The following ANKRD13A variants were observed in gnomAD, a reference collection of about 807,000 sequenced individuals.
ANKRD13A encodes the protein ankyrin repeat domain-containing protein 13A.
A neutral mutation model predicts 81.3 loss-of-function variants in ANKRD13A; 48 were observed. The observed-to-expected ratio is 0.59, with a 90% CI of 0.47 to 0.75. The LOEUF (loss-of-function observed/expected upper bound fraction) is 0.75. Among genes scored for constraint, ANKRD13A ranks in the 30% least tolerant of loss-of-function variants. ANKRD13A has a pLI of 0.00. For synonymous variants in ANKRD13A, 230 were observed against 270.1 expected (o/e 0.85, Z 1.45); for missense variants, 612 against 734.0 (o/e 0.83, Z 1.92).
Position 110,019,221 on chromosome 12 carries a change from G to T in ANKRD13A, c.627G>T (p.Glu209Asp). The change falls in exon 6 of 15, where the codon GAG becomes GAT. Residue 209 changes from glutamate to aspartate, a missense_variant. Transcript: ENST00000261739. The part of the protein sequence containing the change: ...TERFDLSQEM[E>D]RLTLDLMKPK... ...GCTTCGACCTTTCCCAAGAAATGGA[G>T]CGCCTCACTCTGGACTTGATGAAGC... 1 of 1,614,110 alleles carries T rather than the reference G, an allele frequency of 6.2e-7. No individual in the cohort carries two copies. The highest frequency in any genetic ancestry group is 1.1e-5 in the South Asian group (1 of 91,074).
At chr12:110,024,546 C>T (rs1891228246) in intron 7 of ANKRD13A, among the ~76,000 whole-genome samples, 1 of 152,180 alleles carries the variant, frequency 6.6e-6, no homozygotes, top group South Asian at 2.1e-4. Flanking sequence ...GACATCAGTG[C>T]ATTTAAAACA....
chr12:110,020,535 C>T (rs1438336862), intron 6 of ANKRD13A, among the ~76,000 whole-genome samples: 1 of 152,244 alleles, frequency 6.6e-6, no homozygotes, highest in East Asian at 1.9e-4. Context: ...GGTCAGTCCT[C>T]TTCTGCCAGC....
In ANKRD13A at chr12:110,038,395, A is replaced by G. The variant is rs541432116; in HGVS notation, c.*841A>G. On this transcript the variant is annotated 3_prime_UTR_variant, in exon 15 of 15. Transcript: ENST00000261739. ...CTGAGGCTTGTTCTTGAAGTGGGCA[A>G]GCTGGCCAAAATATTGGAACACACA... 6.5e-6 allele frequency: 1 copy of G among 152,776 alleles called. No individual in the cohort carries two copies. The highest frequency in any genetic ancestry group is 2.4e-5 in the African/African-American group (1 of 41,570). The allele number at this position is 152,776 out of a possible 1,614,324, so 9.5% of individuals were successfully genotyped here.
At chr12:110,005,544 T>G (rs984304619) in intron 1 of ANKRD13A, among the ~76,000 whole-genome samples, 1 of 152,232 alleles carries the variant, frequency 6.6e-6, no homozygotes, top group Non-Finnish European at 1.5e-5. Flanking sequence ...GTCTCTAGAT[T>G]TGCCTATTCT....
rs1039137147 is a variant in ANKRD13A, at chr12:110,027,560, T to G, written c.884-145T>G. On this transcript the variant is annotated intron_variant, in intron 8 of 14. Transcript: ENST00000261739. ...ACCCTATAAAGGATAAATTAGTTTA[T>G]GGTTATTGTGAATGATTTGATCAGC... 7.3e-5 allele frequency: 54 copies of G among 740,942 alleles called. No homozygotes were observed. The Admixed American group carries it at 1.1e-3, about 16-fold the overall frequency. 45.9% of individuals were successfully genotyped at this position (740,942 alleles called of 1,614,324 possible).
At chr12:110,037,214 G>A (rs1892115482) in intron 14 of ANKRD13A, 145 bp from the exon 15 acceptor site, 8 of 824,536 alleles carry the variant, frequency 9.7e-6, no homozygotes, top group South Asian at 6.9e-5. Flanking sequence ...CACCTACACC[G>A]CCAGTTATGT....
intron 1 of ANKRD13A, among the ~76,000 whole-genome samples, chr12:110,001,950 C>A (rs1371917141): frequency 6.6e-6 from 1 of 151,868 alleles, no homozygotes; most frequent in African/African-American, 2.4e-5. Flanking sequence ...TTAAAAATGA[C>A]CAGTTTTGGT....
rs1477320867 is a variant in ANKRD13A at position 110,028,556 on chromosome 12, C to A, written c.990C>A (p.Ile330=). 1.2e-6 allele frequency: 2 copies of A among 1,614,066 alleles called. No individual in the cohort carries two copies. Among genetic ancestry groups the A allele is most frequent in the Non-Finnish European group, 1.7e-6 (2 of 1,180,032 alleles). The change falls in exon 10 of 15, where the codon ATC becomes ATA. Residue 330 remains isoleucine, a synonymous_variant. Coordinates refer to ENST00000261739, the MANE Select transcript of ANKRD13A (RefSeq NM_033121.2). ...CTACTGCAAACAACCCCACAGCCATCACGCCTGATGAGTACTTCAATGAAG... is the reference window on the plus strand; with the variant it reads ...CTACTGCAAACAACCCCACAGCCATAACGCCTGATGAGTACTTCAATGAAG... ...ECATANNPTA[I]TPDEYFNEEF...
intron 1 of ANKRD13A, among the ~76,000 whole-genome samples, chr12:110,005,038 T>C (rs911631598): frequency 2.0e-5 from 3 of 152,242 alleles, no homozygotes; most frequent in Non-Finnish European, 4.4e-5. Context: ...GCGATATAGT[T>C]CACTTATATA....
chr12:110,018,276 C>G lies in ANKRD13A; in HGVS notation c.401-69C>G. The G allele has an allele frequency of 2.0e-6, 3 of 1,507,792 alleles. No individual in the cohort carries two copies. The Admixed American group carries it at 5.9e-5, about 30-fold the overall frequency. The allele number at this position is 1,507,792 out of a possible 1,614,324, so 93.4% of individuals were successfully genotyped here. ...CCCCTCCTTTTATTAAATCAGAATC[C>G]TGATTTCCTGGCCTAGGTATTCTTC... is the stretch of plus-strand genomic sequence containing the variant. On this transcript the variant is annotated intron_variant, in intron 4 of 14. Coordinates refer to ENST00000261739, the MANE Select transcript of ANKRD13A (RefSeq NM_033121.2). This position sits in a 1 kb window ranked among gnomAD's most constrained non-coding sequence, Gnocchi z 4.4.
rs1890946982 is a variant in ANKRD13A at position 110,019,193 on chromosome 12, A to G, written c.599A>G (p.Glu200Gly). ...VNHDDKVVTT[E>G]RFDLSQEMER... ...CATGATGACAAAGTGGTCACCACCG[A>G]ACGCTTCGACCTTTCCCAAGAAATG... The change falls in exon 6 of 15, where the codon GAA becomes GGA. Residue 200 changes from glutamate (E) to glycine (G), a missense_variant. Transcript: ENST00000261739. The G allele has an allele frequency of 1.2e-6, 2 of 1,613,832 alleles. No individual in the cohort carries two copies. Among genetic ancestry groups the G allele is most frequent in the African/African-American group, 2.7e-5 (2 of 75,050 alleles).
intron 6 of ANKRD13A, among the ~76,000 whole-genome samples, chr12:110,020,591 A>G (rs1204612305): frequency 6.6e-6 from 1 of 152,190 alleles, no homozygotes; most frequent in Non-Finnish European, 1.5e-5. Context: ...TCTTTCAGGG[A>G]CAGCAAAATT....
In ANKRD13A at chr12:110,012,123, G is replaced by A. The variant is rs749046410; in HGVS notation, c.215G>A (p.Arg72His). The part of the protein sequence containing the change: ...RHKADVTKEN[R>H]QGWTVLHEAV... ...AAAGCAGATGTGACAAAAGAAAATC[G>A]CCAGGGATGGACAGGTAAGTATACT... is the stretch of plus-strand genomic sequence containing the variant. Residue 72 changes from arginine to histidine, a missense_variant, in exon 2 of 15, where the codon CGC (arginine) becomes CAC (histidine). Transcript: ENST00000261739. 38 of 1,611,090 alleles carry A rather than the reference G, an allele frequency of 2.4e-5. No individual in the cohort carries two copies. The highest frequency in any genetic ancestry group is 2.3e-4 in the South Asian group (21 of 90,942).
intron 8 of ANKRD13A, among the ~76,000 whole-genome samples, chr12:110,026,711 A>G (rs1406256960): frequency 6.6e-6 from 1 of 151,990 alleles, no homozygotes; most frequent in Admixed American, 6.6e-5. Context: ...GTGAAACCCT[A>G]TCTTTACTAA....
rs927377618 is a variant in ANKRD13A, at chr12:110,015,859, A to T, written c.355-529A>T. ...AGCCACTGTGCCCGGCCATCTGTTCACTTTCTTAATGTCTAGACATATTTT... is the reference window on the plus strand; with the variant it reads ...AGCCACTGTGCCCGGCCATCTGTTCTCTTTCTTAATGTCTAGACATATTTT... On this transcript the variant is annotated intron_variant, in intron 3 of 14. Coordinates refer to ENST00000261739, the MANE Select transcript of ANKRD13A (RefSeq NM_033121.2). Among the ~76,000 whole-genome samples, 3 of 151,312 alleles carry T rather than the reference A, an allele frequency of 2.0e-5. No individual in the cohort carries two copies. In the East Asian group the frequency reaches 5.9e-4, roughly 30 times the overall value.
At chr12:110,003,013 T>C (rs1890060475) in intron 1 of ANKRD13A, among the ~76,000 whole-genome samples, 1 of 152,198 alleles carries the variant, frequency 6.6e-6, no homozygotes, top group Admixed American at 6.5e-5. Flanking sequence ...TAATATTCAG[T>C]GGGGCCTTGA....
At chr12:110,016,119 C>A (rs1443909939) in intron 3 of ANKRD13A, among the ~76,000 whole-genome samples, 1 of 151,066 alleles carries the variant, frequency 6.6e-6, no homozygotes, top group Non-Finnish European at 1.5e-5. Flanking sequence ...CAGCTACTTT[C>A]TGTATTTTTT....
At chr12:110,027,623 C>A in intron 8 of ANKRD13A, 82 bp from the exon 9 acceptor site, 1 of 1,352,752 alleles carries the variant, frequency 7.4e-7, no homozygotes, top group Non-Finnish European at 1.1e-6. Context: ...GTAGCTTGGA[C>A]CAGAAACTTT....
intron 12 of ANKRD13A, 109 bp from the exon 13 acceptor site, chr12:110,033,688 T>G: frequency 9.6e-7 from 1 of 1,042,798 alleles, no homozygotes; most frequent in Non-Finnish European, 1.4e-6. Flanking sequence ...TAAGCCTTGA[T>G]TGTTATAATT....
Sources: allele counts gnomAD v4.1 joint callset (sites outside exome capture counted in the v4.1 genomes callset), GRCh38; gene constraint gnomAD v4.1.1; non-coding constraint Gnocchi (gnomAD v3.1); transcripts MANE v1.5; gene names NCBI Gene and HGNC (gene_info 2026-07-23, HGNC 2026-07-21).